Variants in GTF2IRD2B observed in about 807,000 individuals in gnomAD.
The protein encoded by GTF2IRD2B is GTF2I repeat domain containing 2B, also known as general transcription factor II-I repeat domain-containing protein 2B.
GTF2IRD2B carries 10 observed loss-of-function variants against 55.6 expected under a neutral mutation model. That is an observed-to-expected ratio of 0.18 (90% CI 0.11 to 0.31). GTF2IRD2B has a LOEUF of 0.31. Among genes scored for constraint, GTF2IRD2B ranks in the 10% least tolerant of loss-of-function variants. The pLI is 1.00. For synonymous variants in GTF2IRD2B, 107 were observed against 320.5 expected (o/e 0.33, Z 7.12); for missense variants, 206 against 802.7 (o/e 0.26, Z 8.98).
chr7:75,112,526 G>A lies in GTF2IRD2B; in HGVS notation c.229G>A (p.Ala77Thr), dbSNP rs1808007881. 7 of 967,432 alleles carry A rather than the reference G, an allele frequency of 7.2e-6. No homozygotes were observed. Among genetic ancestry groups the A allele is most frequent in the Non-Finnish European group, 1.0e-5 (7 of 668,334 alleles). The allele number at this position is 967,432 out of a possible 1,614,324, so 59.9% of individuals were successfully genotyped here. The change falls in exon 3 of 16, where the codon GCA becomes ACA. Residue 77 changes from alanine to threonine, a missense_variant. Ala to Thr is a moderately conservative substitution (Grantham distance 58). Coordinates refer to ENST00000472837, the MANE Select transcript of GTF2IRD2B (RefSeq NM_001003795.3). ...CAGGACGGATTTTCAGAAAGATTTT[G>A]CAAAATACTGTAGGTGTTTTAATTT... The part of the protein sequence containing the change: ...NARTDFQKDF[A>T]KYCVAEGLCE...
At chr7:75,107,276 T>G (rs1446170806) in intron 1 of GTF2IRD2B, among the ~76,000 whole-genome samples, 7 of 152,114 alleles carry the variant, frequency 4.6e-5, no homozygotes, top group African/African-American at 1.7e-4. Flanking sequence ...TAAAAATAAA[T>G]GTAAAAGGCT....
intron 3 of GTF2IRD2B, among the ~76,000 whole-genome samples, chr7:75,116,655 T>G (rs1808168350): frequency 6.8e-6 from 1 of 146,264 alleles, no homozygotes. Flanking sequence ...TTTTTTTTTT[T>G]TCTTTGAGAT....
rs1159887977 is a variant in GTF2IRD2B at position 75,132,548 on chromosome 7, CTTTTTTTT to C, written c.671-569_671-562del. Reference sequence around the variant, plus strand: ...TTCCTTCATCCTCCTCTCCTTCCTTCTTTTTTTTTTTTTTTTTTTTTTTTTGAGATGGA... The same window carrying C: ...TTCCTTCATCCTCCTCTCCTTCCTTCTTTTTTTTTTTTTTTTTGAGATGGA... On this transcript the variant is annotated intron_variant, in intron 8 of 15. Transcript: ENST00000472837. 2.5e-3 allele frequency among the ~76,000 whole-genome samples: 210 copies of C among 85,302 alleles called. 1 individual carries two copies. The highest frequency in any genetic ancestry group is 0.01 in the Middle Eastern group (1 of 96). 56.0% of individuals were successfully genotyped at this position (85,302 alleles called of 152,430 possible).
chr7:75,121,699 T>G (rs1233285979), intron 4 of GTF2IRD2B, among the ~76,000 whole-genome samples: 1 of 151,722 alleles, frequency 6.6e-6, no homozygotes, highest in Non-Finnish European at 1.5e-5. Context: ...CCTCAGGTGA[T>G]CCTCCTGCCT....
chr7:75,122,855 C>G (rs1584538374), intron 4 of GTF2IRD2B, among the ~76,000 whole-genome samples: 2 of 151,098 alleles, frequency 1.3e-5, no homozygotes, highest in Admixed American at 1.3e-4. Context: ...CGAGACCAGT[C>G]TGGACAACAT....
At chr7:75,137,315 A>G (rs1808877167) in intron 11 of GTF2IRD2B, among the ~76,000 whole-genome samples, 1 of 150,446 alleles carries the variant, frequency 6.6e-6, no homozygotes, top group African/African-American at 2.4e-5. Flanking sequence ...GAGGTGTTGT[A>G]GACAACATAA....
In GTF2IRD2B at chr7:75,148,213, C is replaced by G; in HGVS notation, c.1766C>G (p.Thr589Arg). 1 of 1,613,800 alleles carries G rather than the reference C, an allele frequency of 6.2e-7. No individual in the cohort carries two copies. The highest frequency in any genetic ancestry group is 8.5e-7 in the Non-Finnish European group (1 of 1,179,844). ...CTGGACACGGTGCCCATGACGGGTA[C>G]AAAATCTGGCAACGAGATCTTTTTG... Reference protein sequence around the residue: ...ELLDTVPMTGTKSGNEIFLRV... With the variant: ...ELLDTVPMTGRKSGNEIFLRV... The change falls in exon 16 of 16, where the codon ACA (threonine) becomes AGA (arginine). Residue 589 changes from threonine (T) to arginine (R), a missense_variant. Transcript: ENST00000472837.
chr7:75,123,080 A>T (rs1204889518), intron 4 of GTF2IRD2B, 56 bp from the exon 5 acceptor site: 13 of 1,567,056 alleles, frequency 8.3e-6, no homozygotes, highest in Non-Finnish European at 9.5e-6. Flanking sequence ...ACAAAAAAAA[A>T]AAACTGGTAG....
rs1181071916 is a variant in GTF2IRD2B at position 75,120,210 on chromosome 7, T to C, written c.239-681T>C. Among the ~76,000 whole-genome samples, 126 of 87,420 alleles carry C rather than the reference T, an allele frequency of 1.4e-3. 7 individuals are homozygous for C. Among genetic ancestry groups the C allele is most frequent in the Non-Finnish European group, 2.4e-3 (108 of 45,142 alleles). The allele number at this position is 87,420 out of a possible 152,430, so 57.4% of individuals were successfully genotyped here. A position where few individuals can be genotyped will look rare whatever the true frequency, so the allele number is the denominator to read the frequency against. ...AAAAAAAAAAACAAAAACCTTTCTGTGTTCAAATTACTATGTGGTTTCTCT... is the reference window on the plus strand; with the variant it reads ...AAAAAAAAAAACAAAAACCTTTCTGCGTTCAAATTACTATGTGGTTTCTCT... On this transcript the variant is annotated intron_variant, in intron 3 of 15. Transcript: ENST00000472837.
intron 14 of GTF2IRD2B, among the ~76,000 whole-genome samples, chr7:75,143,507 C>CT (rs1809069930): frequency 1.4e-5 from 1 of 72,516 alleles, no homozygotes; most frequent in East Asian, 3.1e-4. Context: ...GAGTGAGACT[C>CT]CGTCTCAAAA....
At chr7:75,102,281 G>A (rs1335593488) in intron 1 of GTF2IRD2B, among the ~76,000 whole-genome samples, 5 of 150,506 alleles carry the variant, frequency 3.3e-5, no homozygotes, top group Admixed American at 6.7e-5. Flanking sequence ...GATTACAGGC[G>A]TGAGCCACTG....
chr7:75,096,422 AT>A (rs1189486321), intron 1 of GTF2IRD2B, among the ~76,000 whole-genome samples: 103 of 23,264 alleles, frequency 4.4e-3, no homozygotes, highest in South Asian at 5.3e-3. Flanking sequence ...TGCCCAGCTA[AT>A]TTTTTTTTTT....
At chr7:75,102,958 CAA>C (rs1266138425) in intron 1 of GTF2IRD2B, among the ~76,000 whole-genome samples, 3 of 132,872 alleles carry the variant, frequency 2.3e-5, no homozygotes, top group Non-Finnish European at 1.6e-5. Context: ...GACTCCATGT[CAA>C]AAAAAAAAAA....
intron 1 of GTF2IRD2B, among the ~76,000 whole-genome samples, chr7:75,105,674 A>G (rs1420208851): frequency 1.3e-5 from 2 of 152,306 alleles, no homozygotes; most frequent in Non-Finnish European, 2.9e-5. Context: ...ACTCTAAGGG[A>G]TCCTCGAGTG....
intron 3 of GTF2IRD2B, among the ~76,000 whole-genome samples, chr7:75,116,951 T>C (rs1808179363): frequency 6.6e-6 from 1 of 151,326 alleles, no homozygotes; most frequent in African/African-American, 2.4e-5. Context: ...GGCCCATCTT[T>C]GCTATTTCTG....
intron 1 of GTF2IRD2B, among the ~76,000 whole-genome samples, chr7:75,103,122 G>T (rs375398178): frequency 0.89 from 134,744 of 150,972 alleles, 59,612 homozygotes; most frequent in East Asian, 0.96. Context: ...TACTAAAAAA[G>T]AGAAAACTTA....
intron 1 of GTF2IRD2B, among the ~76,000 whole-genome samples, chr7:75,102,019 G>A (rs1271578706): frequency 6.8e-6 from 1 of 147,280 alleles, no homozygotes; most frequent in Non-Finnish European, 1.5e-5. Context: ...TTGTTTTTTT[G>A]TGAGACGGAG....
At chr7:75,115,637 G>A (rs1808123261) in intron 3 of GTF2IRD2B, among the ~76,000 whole-genome samples, 1 of 124,308 alleles carries the variant, frequency 8.0e-6, no homozygotes, top group Non-Finnish European at 1.7e-5. Flanking sequence ...GTTTCACCAT[G>A]TTGGCCAGGA....
intron 9 of GTF2IRD2B, 95 bp from the exon 10 acceptor site, chr7:75,134,906 C>T: frequency 1.3e-6 from 2 of 1,536,024 alleles, no homozygotes; most frequent in African/African-American, 1.6e-5. Flanking sequence ...AGGTGTATTC[C>T]TGCGTGGGTA....
Sources: gnomAD v4.1 joint callset for allele counts (sites outside exome capture counted in the v4.1 genomes callset) on GRCh38, gnomAD v4.1.1 for gene constraint, MANE v1.5 for transcripts, NCBI Gene and HGNC (gene_info 2026-07-23, HGNC 2026-07-21) for gene names.